The following LRFN5 variants were observed in gnomAD, a reference collection of about 807,000 sequenced individuals.
LRFN5 encodes leucine-rich repeat and fibronectin type-III domain-containing protein 5.
LRFN5 carries 24 observed loss-of-function variants against 45.6 expected under a neutral mutation model. That is an observed-to-expected ratio of 0.53 (90% CI 0.38 to 0.74). The LOEUF is 0.74. LRFN5 is among the 30% of genes least tolerant of loss of function. LRFN5 has a pLI of 0.00. For synonymous variants in LRFN5, 340 were observed against 313.8 expected (o/e 1.08, Z -0.88); for missense variants, 776 against 861.5 (o/e 0.90, Z 1.24).
chr14:41,609,727 G>C (rs753908125), intron 1 of LRFN5, among the ~76,000 whole-genome samples: 4 of 152,206 alleles, frequency 2.6e-5, no homozygotes, highest in Admixed American at 2.0e-4. Context: ...GGAGCTGCTT[G>C]CTGGCTACAT....
chr14:41,774,830 G>A (rs1182665011), intron 2 of LRFN5, among the ~76,000 whole-genome samples: 1 of 152,162 alleles, frequency 6.6e-6, no homozygotes, highest in Non-Finnish European at 1.5e-5. Context: ...ATGCTGACAT[G>A]TAGGCGATAT....
At chr14:41,719,917 A>C (rs769160765) in intron 1 of LRFN5, among the ~76,000 whole-genome samples, 1 of 152,036 alleles carries the variant, frequency 6.6e-6, no homozygotes, top group Non-Finnish European at 1.5e-5. Flanking sequence ...TATCTGAACT[A>C]TCTCTCCATA....
intron 1 of LRFN5, among the ~76,000 whole-genome samples, chr14:41,720,772 A>T (rs899127967): frequency 3.3e-5 from 5 of 151,950 alleles, no homozygotes; most frequent in South Asian, 2.1e-4. Context: ...GATTTTTTTT[A>T]AATTTATTGA....
At chr14:41,898,091 G>A (rs1355621816) in intron 4 of LRFN5, among the ~76,000 whole-genome samples, 2 of 151,786 alleles carry the variant, frequency 1.3e-5, no homozygotes, top group Admixed American at 6.6e-5. Context: ...AAAGACCATT[G>A]TATATTTACA....
At chr14:41,774,246 C>T (rs1276215904) in intron 2 of LRFN5, among the ~76,000 whole-genome samples, 2 of 152,184 alleles carry the variant, frequency 1.3e-5, no homozygotes, top group Non-Finnish European at 2.9e-5. Flanking sequence ...GTTATTAACT[C>T]AGTTATTGTA....
intron 1 of LRFN5, among the ~76,000 whole-genome samples, chr14:41,750,512 G>A (rs888621195): frequency 1.3e-5 from 2 of 151,830 alleles, no homozygotes; most frequent in Non-Finnish European, 2.9e-5. Context: ...ATAAAATAAT[G>A]TATGTAACAA....
intron 5 of LRFN5, among the ~76,000 whole-genome samples, chr14:41,902,059 A>G (rs1195961832): frequency 3.3e-5 from 5 of 151,986 alleles, no homozygotes; most frequent in Admixed American, 3.3e-4. Flanking sequence ...AAAGATCAAA[A>G]TATTTCACAG....
At chr14:41,673,528 A>C (rs1283925162) in intron 1 of LRFN5, among the ~76,000 whole-genome samples, 4 of 134,892 alleles carry the variant, frequency 3.0e-5, no homozygotes, top group African/African-American at 8.6e-5. Flanking sequence ...GGCCGGGCAG[A>C]GGCACCCCTC....
intron 2 of LRFN5, among the ~76,000 whole-genome samples, chr14:41,770,937 C>G (rs542990722): frequency 6.6e-6 from 1 of 152,012 alleles, no homozygotes; most frequent in Admixed American, 6.5e-5. Flanking sequence ...TGCTTGGGCA[C>G]CCAGTCTTTC....
chr14:41,900,901 G>A (rs745674676), intron 5 of LRFN5, among the ~76,000 whole-genome samples: 49 of 151,924 alleles, frequency 3.2e-4, no homozygotes, highest in Non-Finnish European at 6.5e-4. Context: ...GGTGGAGAGC[G>A]GGCAGAGACC....
At position 41,904,355 on chromosome 14, in the gene LRFN5, G is replaced by T; in HGVS notation, c.*180G>T. The T allele has an allele frequency of 1.6e-6, 1 of 631,306 alleles. No homozygotes were observed. The highest frequency in any genetic ancestry group is 2.6e-6 in the Non-Finnish European group (1 of 387,054). The allele number at this position is 631,306 out of a possible 1,614,324, so 39.1% of individuals were successfully genotyped here. ...GGCGGAACTGGCTCCATTAGACCAT[G>T]GTTCATCCTCTTTTAAAACCAAATT... On this transcript the variant is annotated 3_prime_UTR_variant, in exon 6 of 6. Coordinates refer to ENST00000298119, the MANE Select transcript of LRFN5 (RefSeq NM_152447.5).
intron 2 of LRFN5, among the ~76,000 whole-genome samples, chr14:41,854,721 T>A (rs74045483): frequency 0.032 from 4,830 of 152,242 alleles, 266 homozygotes; most frequent in African/African-American, 0.11. Flanking sequence ...AATGTGCAGC[T>A]TGTGCATGTG....
At position 41,848,775 on chromosome 14, in the gene LRFN5, AG is replaced by A. The variant is rs202004885; in HGVS notation, c.-20-37830del. On this transcript the variant is annotated intron_variant, in intron 2 of 5. Transcript: ENST00000298119. ...TTCTGCTTTATTCAGTTCCCCATGG[AG>A]CCCCTCAACCAAGACACTGGCAGAG... is the stretch of plus-strand genomic sequence containing the variant. Among the ~76,000 whole-genome samples the A allele has an allele frequency of 2.8e-4, 43 of 152,138 alleles. No homozygotes were observed. The East Asian group carries it at 7.7e-3, about 27-fold the overall frequency.
At chr14:41,671,637 T>TTTTTTTTTTTTA (rs61290111) in intron 1 of LRFN5, among the ~76,000 whole-genome samples, 5 of 143,686 alleles carry the variant, frequency 3.5e-5, no homozygotes, top group African/African-American at 1.3e-4. Flanking sequence ...TTTTTTTTTT[T>TTTTTTTTTTTTA]ACGGAGTTTC....
At chr14:41,718,374 A>G (rs1012809641) in intron 1 of LRFN5, among the ~76,000 whole-genome samples, 8 of 152,186 alleles carry the variant, frequency 5.3e-5, no homozygotes, top group Non-Finnish European at 1.0e-4. Context: ...AGCCAACTAT[A>G]CCATTAAGTG....
intron 2 of LRFN5, among the ~76,000 whole-genome samples, chr14:41,772,824 CA>C (rs984304498): frequency 6.6e-6 from 1 of 152,134 alleles, no homozygotes; most frequent in Non-Finnish European, 1.5e-5. Flanking sequence ...TTTCACTCCA[CA>C]AAAACAATTC....
chr14:41,608,542 C>CTT lies in LRFN5; in HGVS notation c.-214_-213dup, dbSNP rs1221805260. ...AGGCAGAAAGTCTTCCTACGACCGT[C>CTT]TTTTCCCTTAGAGGCACCAGGTAAC... On this transcript the variant is annotated 5_prime_UTR_variant, in exon 1 of 6. An upstream open reading frame in the 5' UTR loses its in-frame stop. Transcript: ENST00000298119. 6.5e-6 allele frequency: 1 copy of CTT among 152,712 alleles called. No homozygotes were observed. Among genetic ancestry groups the CTT allele is most frequent in the East Asian group, 1.9e-4 (1 of 5,196 alleles). 9.5% of individuals were successfully genotyped at this position (152,712 alleles called of 1,614,324 possible).
chr14:41,866,360 C>G (rs1171778050), intron 2 of LRFN5, among the ~76,000 whole-genome samples: 2 of 152,096 alleles, frequency 1.3e-5, no homozygotes, highest in Non-Finnish European at 2.9e-5. Flanking sequence ...TCTGTAGGCT[C>G]AGGGCAGTTA....
intron 1 of LRFN5, among the ~76,000 whole-genome samples, chr14:41,667,233 T>A (rs1880943968): frequency 1.3e-5 from 2 of 152,178 alleles, no homozygotes; most frequent in South Asian, 4.1e-4. Flanking sequence ...TCTGCTTTGT[T>A]CTTTCCTCAC....
Sources: allele counts gnomAD v4.1 joint callset (sites outside exome capture counted in the v4.1 genomes callset), GRCh38; gene constraint gnomAD v4.1.1; transcripts MANE v1.5; gene names NCBI Gene and HGNC (gene_info 2026-07-23, HGNC 2026-07-21).